The following COL21A1 variants were observed in gnomAD, a reference collection of about 807,000 sequenced individuals.
COL21A1 encodes the protein collagen alpha-1(XXI) chain.
In COL21A1, 149 loss-of-function variants were observed where a neutral mutation model predicts 137.9. That is an observed-to-expected ratio of 1.08 (90% CI 0.95 to 1.24). The LOEUF (loss-of-function observed/expected upper bound fraction) is 1.24, where lower values mean the gene tolerates loss of function less well. Among genes scored for constraint, COL21A1 ranks in the 50% most tolerant of loss-of-function variants. The pLI is 0.00. For synonymous variants in COL21A1, 456 were observed against 391.5 expected (o/e 1.16, Z -1.95); for missense variants, 1,167 against 1,158.4 (o/e 1.01, Z -0.11).
chr6:56,195,939 G>C (rs976727583), intron 1 of COL21A1, among the ~76,000 whole-genome samples: 3 of 151,934 alleles, frequency 2.0e-5, no homozygotes, highest in African/African-American at 7.3e-5. Context: ...AAAAATCACA[G>C]GCCCTGATGA....
intron 9 of COL21A1, among the ~76,000 whole-genome samples, chr6:56,158,302 T>C (rs1226877701): frequency 7.2e-6 from 1 of 139,554 alleles, no homozygotes; most frequent in Non-Finnish European, 1.5e-5. Flanking sequence ...AGATGGGGTC[T>C]TGCTTTGTCA....
intron 16 of COL21A1, among the ~76,000 whole-genome samples, chr6:56,117,354 T>C (rs1772032319): frequency 6.6e-6 from 1 of 152,002 alleles, no homozygotes. Flanking sequence ...AAAGGGTCTC[T>C]ATACAATGAT....
intron 16 of COL21A1, among the ~76,000 whole-genome samples, chr6:56,105,165 TG>T (rs1373179589): frequency 3.9e-5 from 6 of 152,186 alleles, no homozygotes; most frequent in Non-Finnish European, 8.8e-5. Context: ...GAACTAGACC[TG>T]GAACCCTCAC....
intron 10 of COL21A1, among the ~76,000 whole-genome samples, chr6:56,143,282 G>C (rs1774570397): frequency 7.0e-6 from 1 of 143,216 alleles, no homozygotes; most frequent in Non-Finnish European, 1.5e-5. Context: ...CTCACTACAA[G>C]CTCTGCCTCC....
chr6:56,292,458 C>A (rs1306064743), intron 1 of COL21A1, among the ~76,000 whole-genome samples: 1 of 140,604 alleles, frequency 7.1e-6, no homozygotes, highest in African/African-American at 2.5e-5. Context: ...TAAGTCCAGG[C>A]ATTAAGTTTT....
chr6:56,233,043 C>T (rs1781678454), intron 1 of COL21A1, among the ~76,000 whole-genome samples: 1 of 151,808 alleles, frequency 6.6e-6, no homozygotes, highest in African/African-American at 2.4e-5. Flanking sequence ...ATACTTTACA[C>T]AAATGAGGAA....
chr6:56,181,252 G>A (rs1414126788), intron 2 of COL21A1, among the ~76,000 whole-genome samples: 2 of 152,178 alleles, frequency 1.3e-5, no homozygotes, highest in South Asian at 2.1e-4. Context: ...CACTGCCAGA[G>A]GTCAAAGTAG....
chr6:56,252,281 A>G (rs1382192200), upstream of COL21A1, among the ~76,000 whole-genome samples: 1 of 152,178 alleles, frequency 6.6e-6, no homozygotes, highest in Non-Finnish European at 1.5e-5. Context: ...ATAATGGCCA[A>G]CTTTCCAGGC....
chr6:56,061,060 C>T (rs772524070), intron 25 of COL21A1, 23 bp from the exon 26 acceptor site: 2 of 1,563,660 alleles, frequency 1.3e-6, no homozygotes, highest in South Asian at 1.2e-5. Context: ...GAAATCTTTA[C>T]AAGTTCTATT....
At chr6:56,095,712 T>G (rs1769254697) in intron 17 of COL21A1, among the ~76,000 whole-genome samples, 1 of 152,198 alleles carries the variant, frequency 6.6e-6, no homozygotes, top group African/African-American at 2.4e-5. Context: ...ACTCCTGCCT[T>G]GCCAGGCCAA....
intron 1 of COL21A1, among the ~76,000 whole-genome samples, chr6:56,220,044 T>A (rs1411081729): frequency 2.0e-5 from 3 of 152,264 alleles, no homozygotes; most frequent in Admixed American, 1.3e-4. Flanking sequence ...TTTTCAATAA[T>A]AGACTGTATT....
chr6:56,101,586 A>G, intron 16 of COL21A1, 61 bp from the exon 17 acceptor site: 1 of 1,087,430 alleles, frequency 9.2e-7, no homozygotes, highest in African/African-American at 1.6e-5. Flanking sequence ...TTACCAAAAT[A>G]ACAATATATA....
chr6:56,317,282 A>G (rs1209904825), intron 1 of COL21A1, among the ~76,000 whole-genome samples: 2 of 152,138 alleles, frequency 1.3e-5, no homozygotes, highest in Non-Finnish European at 2.9e-5. Context: ...GAATCTCAAA[A>G]ATGATATACT....
intron 9 of COL21A1, among the ~76,000 whole-genome samples, chr6:56,161,467 G>A (rs758232548): frequency 1.4e-4 from 21 of 152,002 alleles, no homozygotes; most frequent in Non-Finnish European, 2.4e-4. Context: ...GTTCCATATA[G>A]GTTAAATGGG....
intron 1 of COL21A1, among the ~76,000 whole-genome samples, chr6:56,272,859 C>A (rs1488595719): frequency 1.3e-5 from 2 of 152,190 alleles, no homozygotes; most frequent in Non-Finnish European, 2.9e-5. Flanking sequence ...GCTCCCCAAG[C>A]CATATGGAAC....
At chr6:56,081,390 C>A (rs1455635517) in intron 17 of COL21A1, among the ~76,000 whole-genome samples, 3 of 151,764 alleles carry the variant, frequency 2.0e-5, no homozygotes, top group South Asian at 2.1e-4. Flanking sequence ...CCATTCAATA[C>A]CTTTCCTTTT....
chr6:56,110,737 A>C (rs1771353804), intron 16 of COL21A1, among the ~76,000 whole-genome samples: 1 of 152,114 alleles, frequency 6.6e-6, no homozygotes, highest in Non-Finnish European at 1.5e-5. Flanking sequence ...AGTATGAAGA[A>C]ATACAATAAA....
At chr6:56,346,250 G>A (rs1423121291) in intron 1 of COL21A1, among the ~76,000 whole-genome samples, 1 of 152,158 alleles carries the variant, frequency 6.6e-6, no homozygotes, top group African/African-American at 2.4e-5. Context: ...AGCAATTGCT[G>A]ATACTCTGAC....
chr6:56,075,760 A>G (rs1767176021), intron 18 of COL21A1, among the ~76,000 whole-genome samples: 1 of 151,524 alleles, frequency 6.6e-6, no homozygotes, highest in Non-Finnish European at 1.5e-5. Context: ...AACATTTGCC[A>G]TTCTTTCAAA....
Sources: gnomAD v4.1 joint callset for allele counts (sites outside exome capture counted in the v4.1 genomes callset) on GRCh38, gnomAD v4.1.1 for gene constraint, MANE v1.5 for transcripts, NCBI Gene and HGNC (gene_info 2026-07-23, HGNC 2026-07-21) for gene names.